Variants in COL13A1 observed in about 807,000 individuals in gnomAD.
COL13A1 encodes collagen type XIII alpha 1 chain.
COL13A1 carries 89 observed loss-of-function variants against 130.9 expected under a neutral mutation model. That is an observed-to-expected ratio of 0.68 (90% CI 0.57 to 0.81). The LOEUF (loss-of-function observed/expected upper bound fraction) is 0.81, where lower values mean the gene tolerates loss of function less well. Ranked by LOEUF, COL13A1 falls within the 30% of genes least tolerant of loss-of-function variation. COL13A1 has a pLI of 0.00. For missense variants in COL13A1, 879 were observed against 934.6 expected, an observed-to-expected ratio of 0.94 and a Z score of 0.78; for synonymous variants, 402 against 341.6, an observed-to-expected ratio of 1.18 and a Z score of -1.95.
chr10:69,930,218 G>A (rs533719536), intron 29 of COL13A1, 131 bp downstream of exon 29: 6 of 1,072,188 alleles, frequency 5.6e-6, no homozygotes, highest in East Asian at 5.2e-5. Context: ...GATGGGGGGG[G>A]GCAGGGAGAG....
chr10:69,935,734 G>A (rs1400451050), intron 32 of COL13A1, among the ~76,000 whole-genome samples: 1 of 152,190 alleles, frequency 6.6e-6, no homozygotes, highest in Non-Finnish European at 1.5e-5. Context: ...GTCTGGCACA[G>A]TGGCTCACGC....
At chr10:69,906,752 G>T (rs1434310187) in intron 17 of COL13A1, among the ~76,000 whole-genome samples, 2 of 151,622 alleles carry the variant, frequency 1.3e-5, no homozygotes, top group African/African-American at 4.9e-5. Flanking sequence ...TTTTTTTTGA[G>T]ACAGAGTCTA....
At chr10:69,933,155 A>AAAAAAAAAAAAAAAAAAAAC (rs2066371502) in intron 31 of COL13A1, among the ~76,000 whole-genome samples, 1 of 148,510 alleles carries the variant, frequency 6.7e-6, no homozygotes, top group Non-Finnish European at 1.5e-5. Context: ...AAAAAAAAAA[A>AAAAAAAAAAAAAAAAAAAAC]AAAAAAAAAA....
chr10:69,814,181 C>T lies in COL13A1; in HGVS notation c.295-8188C>T, dbSNP rs748846390. Among the ~76,000 whole-genome samples the T allele has an allele frequency of 7.9e-5, 12 of 152,318 alleles. 1 individual carries two copies. The highest frequency in any genetic ancestry group is 3.4e-3 in the Middle Eastern group (1 of 294). On this transcript the variant is annotated intron_variant, in intron 1 of 40. Coordinates refer to ENST00000645393, the MANE Select transcript of COL13A1 (RefSeq NM_001368882.1). ...GTGATCAGAGTGCTGGCACAGGGGCCGGAGCTTCGTCTGCTGTGGTCATTC... is the reference window on the plus strand; with the variant it reads ...GTGATCAGAGTGCTGGCACAGGGGCTGGAGCTTCGTCTGCTGTGGTCATTC...
intron 17 of COL13A1, among the ~76,000 whole-genome samples, chr10:69,914,772 G>A (rs567469357): frequency 3.9e-5 from 6 of 152,384 alleles, no homozygotes; most frequent in Middle Eastern, 3.4e-3. Flanking sequence ...GTACTACTGA[G>A]AGGGCTTGGA....
chr10:69,911,995 T>G (rs917578163), intron 17 of COL13A1, among the ~76,000 whole-genome samples: 2 of 152,234 alleles, frequency 1.3e-5, no homozygotes, highest in African/African-American at 4.8e-5. Flanking sequence ...AAGCCCTAGA[T>G]GCAGGAGCCT....
intron 34 of COL13A1, 28 bp from the exon 35 acceptor site, chr10:69,940,960 T>C (rs1249674204): frequency 1.2e-6 from 2 of 1,613,834 alleles, no homozygotes; most frequent in African/African-American, 2.7e-5. Flanking sequence ...CTTCCCCTTC[T>C]TTTGGTCAAA....
chr10:69,948,361 A>G (rs2068867078), intron 38 of COL13A1, among the ~76,000 whole-genome samples: 1 of 152,138 alleles, frequency 6.6e-6, no homozygotes, highest in South Asian at 2.1e-4. Context: ...CTCAAGATCT[A>G]TTTACTGAGC....
In COL13A1 at chr10:69,930,426, G is replaced by A. The variant is rs2065959415; in HGVS notation, c.1557G>A (p.Met519Ile). ...EKGPRGKPGD[M>I]GPPGPQGPPG... ...GACCTCGCGGTAAACCAGGAGACAT[G>A]GGCCCTCCTGGTCCCCAAGGCCCCC... is the stretch of plus-strand genomic sequence containing the variant. Residue 519 changes from methionine to isoleucine, a missense_variant, in exon 30 of 41, where the codon ATG becomes ATA. This residue lies in a region of COL13A1 where 715 missense variants were observed against 721.0 expected (regional missense o/e 0.99). Coordinates refer to ENST00000645393, the MANE Select transcript of COL13A1 (RefSeq NM_001368882.1). 1.2e-6 allele frequency: 2 copies of A among 1,612,170 alleles called. No individual in the cohort carries two copies. Among genetic ancestry groups the A allele is most frequent in the East Asian group, 4.5e-5 (2 of 44,852 alleles).
At chr10:69,878,145 C>G (rs558722113) in intron 6 of COL13A1, 80 bp downstream of exon 6, 28 of 693,180 alleles carry the variant, frequency 4.0e-5, no homozygotes, top group East Asian at 3.0e-4. Flanking sequence ...TCTCAGCCCT[C>G]CCCCCCATGA....
chr10:69,857,434 G>A (rs941115395), intron 2 of COL13A1, among the ~76,000 whole-genome samples: 5 of 152,188 alleles, frequency 3.3e-5, no homozygotes, highest in African/African-American at 7.2e-5. Context: ...AGCAAGCGAA[G>A]TGTCCTCTGA....
chr10:69,958,433 A>G (rs2071219288), intron 40 of COL13A1, among the ~76,000 whole-genome samples: 1 of 152,204 alleles, frequency 6.6e-6, no homozygotes, highest in Admixed American at 6.5e-5. Flanking sequence ...TGGTTACAAC[A>G]ATCAGGCCTC....
intron 5 of COL13A1, among the ~76,000 whole-genome samples, chr10:69,876,148 C>T (rs930642635): frequency 1.4e-4 from 21 of 152,236 alleles, no homozygotes; most frequent in Admixed American, 6.5e-5. Flanking sequence ...TGTTAGCTTA[C>T]TCAGACTTCA....
chr10:69,806,525 G>T (rs967327521), intron 1 of COL13A1, among the ~76,000 whole-genome samples: 5 of 152,242 alleles, frequency 3.3e-5, no homozygotes, highest in Non-Finnish European at 7.3e-5. Context: ...CCAGACCTCA[G>T]GCCCCAGCTC....
In COL13A1 at chr10:69,925,824, G is replaced by A; in HGVS notation, c.1350G>A (p.Gly450=). Residue 450 remains glycine (G), a synonymous_variant, in exon 26 of 41, where the codon GGG becomes GGA. Coordinates refer to ENST00000645393, the MANE Select transcript of COL13A1 (RefSeq NM_001368882.1). ...TCCAGGGCTCCAAGGGAGAACCAGG[G>A]AAAGGAGAGATGGTGGATTACAATG... ...DGPKGSKGEP[G]KGEMVDYNGN... 1 of 1,600,808 alleles carries A rather than the reference G, an allele frequency of 6.2e-7. No individual in the cohort carries two copies. The highest frequency in any genetic ancestry group is 1.7e-5 in the Admixed American group (1 of 58,392).
intron 17 of COL13A1, among the ~76,000 whole-genome samples, chr10:69,906,652 G>C (rs1053427318): frequency 8.5e-5 from 13 of 152,120 alleles, no homozygotes; most frequent in African/African-American, 3.1e-4. Context: ...GTCAGTGTGG[G>C]AAGAGTCTTA....
At chr10:69,861,181 C>G (rs1359007574) in intron 2 of COL13A1, among the ~76,000 whole-genome samples, 1 of 152,162 alleles carries the variant, frequency 6.6e-6, no homozygotes, top group Non-Finnish European at 1.5e-5. Context: ...AGATTGAAAG[C>G]AGGGGTTAGC....
intron 2 of COL13A1, among the ~76,000 whole-genome samples, chr10:69,867,352 C>T (rs2058625840): frequency 6.6e-6 from 1 of 152,264 alleles, no homozygotes; most frequent in Admixed American, 6.5e-5. Flanking sequence ...TGCCTGCCTG[C>T]TGGCCCTCCC....
intron 24 of COL13A1, 108 bp downstream of exon 24, chr10:69,923,963 G>A (rs2065023595): frequency 2.8e-6 from 4 of 1,429,346 alleles, no homozygotes; most frequent in Admixed American, 4.2e-5. Flanking sequence ...AGGCTGACCG[G>A]CCATGACCAC....
Sources: allele counts gnomAD v4.1 joint callset (sites outside exome capture counted in the v4.1 genomes callset), GRCh38; gene constraint gnomAD v4.1.1; regional missense constraint gnomAD v4.1.1; transcripts MANE v1.5; gene names NCBI Gene and HGNC (gene_info 2026-07-23, HGNC 2026-07-21).